FKBP5: variants seen among roughly 807,000 people sequenced by gnomAD.
The protein encoded by FKBP5 is FKBP prolyl isomerase 5, also known as peptidyl-prolyl cis-trans isomerase FKBP5.
FKBP5 carries 23 observed loss-of-function variants against 50.5 expected under a neutral mutation model. The ratio of observed to expected loss-of-function variants is 0.46; its 90% CI spans 0.33 to 0.65. The LOEUF (loss-of-function observed/expected upper bound fraction) is 0.65, where lower values mean the gene tolerates loss of function less well. Among genes scored for constraint, FKBP5 ranks in the 30% least tolerant of loss-of-function variants. FKBP5 has a pLI of 0.02. For missense variants in FKBP5, 411 were observed against 553.1 expected (o/e 0.74, Z 2.58); for synonymous variants, 176 against 190.6 (o/e 0.92, Z 0.63).
intron 1 of FKBP5, among the ~76,000 whole-genome samples, chr6:35,674,779 C>T (rs1176682093): frequency 6.6e-6 from 1 of 152,204 alleles, no homozygotes; most frequent in African/African-American, 2.4e-5. Flanking sequence ...AGACTGTCAA[C>T]TTGCTAATTA....
intron 5 of FKBP5, among the ~76,000 whole-genome samples, chr6:35,605,381 A>ATTTTT (rs1763276703): frequency 2.2e-5 from 2 of 90,430 alleles, no homozygotes; most frequent in Non-Finnish European, 4.6e-5. Context: ...CTATGACAAT[A>ATTTTT]TCTTTTTTTT....
At chr6:35,712,436 G>A (rs1766432078) in intron 2 of FKBP5, among the ~76,000 whole-genome samples, 1 of 152,146 alleles carries the variant, frequency 6.6e-6, no homozygotes, top group Admixed American at 6.5e-5. Context: ...AGGGGTGGTA[G>A]GTATCTTCCA....
chr6:35,587,033 C>T lies in FKBP5; in HGVS notation c.840+1G>A, dbSNP rs1762622203. The T allele has an allele frequency of 6.2e-7, 1 of 1,613,878 alleles. No individual in the cohort carries two copies. Among genetic ancestry groups the T allele is most frequent in the Non-Finnish European group, 8.5e-7 (1 of 1,179,896 alleles). ...AAAGGATTGCATAGGGACTCACACA[C>T]CTTGAAGTATACGGTTCCCTTCTCT... On this transcript the variant is annotated splice_donor_variant, in intron 8 of 10. Transcript: ENST00000357266. LOFTEE classifies it high-confidence loss of function.
upstream of FKBP5, among the ~76,000 whole-genome samples, chr6:35,693,339 AT>A (rs1480352977): frequency 2.0e-5 from 3 of 148,924 alleles, no homozygotes; most frequent in Non-Finnish European, 4.5e-5. Context: ...ATTTTTTTGT[AT>A]TTTTAGTAGA....
At chr6:35,624,187 A>G (rs998495516) in intron 3 of FKBP5, among the ~76,000 whole-genome samples, 5 of 152,164 alleles carry the variant, frequency 3.3e-5, no homozygotes, top group Non-Finnish European at 7.3e-5. Context: ...CTGCTTGAAC[A>G]CTTACAGCTG....
At chr6:35,700,662 T>A (rs933619695) in intron 2 of FKBP5, among the ~76,000 whole-genome samples, 3 of 152,072 alleles carry the variant, frequency 2.0e-5, no homozygotes, top group Admixed American at 6.6e-5. Flanking sequence ...TTGCCACATT[T>A]AATAAATAAA....
intron 2 of FKBP5, among the ~76,000 whole-genome samples, chr6:35,718,265 C>A (rs73729768): frequency 6.6e-6 from 1 of 152,156 alleles, no homozygotes. Context: ...AGGGTGTGCT[C>A]GCGAGAGCCA....
At chr6:35,589,124 A>T (rs1561846569) in intron 7 of FKBP5, among the ~76,000 whole-genome samples, 3 of 127,304 alleles carry the variant, frequency 2.4e-5, no homozygotes, top group African/African-American at 9.3e-5. Flanking sequence ...ATATATATAT[A>T]TATATTTTTT....
intron 5 of FKBP5, among the ~76,000 whole-genome samples, chr6:35,608,178 TAC>T (rs1189048235): frequency 4.6e-5 from 7 of 151,872 alleles, no homozygotes. Flanking sequence ...ACCCTGAGTA[TAC>T]ACAGACATAA....
At chr6:35,653,244 C>T (rs757710588) in intron 1 of FKBP5, among the ~76,000 whole-genome samples, 1 of 152,112 alleles carries the variant, frequency 6.6e-6, no homozygotes, top group Admixed American at 6.5e-5. Flanking sequence ...GCTGCAGCTA[C>T]TCAGGAAGGG....
At chr6:35,714,165 T>C (rs1177431331) in intron 2 of FKBP5, among the ~76,000 whole-genome samples, 1 of 149,308 alleles carries the variant, frequency 6.7e-6, no homozygotes. Context: ...TGAAAAATCT[T>C]AGGCGGCCAG....
intron 2 of FKBP5, among the ~76,000 whole-genome samples, chr6:35,708,142 A>G (rs1440882502): frequency 6.6e-6 from 1 of 152,224 alleles, no homozygotes; most frequent in African/African-American, 2.4e-5. Flanking sequence ...ATTCCCATAT[A>G]TGCCAAGGAA....
upstream of FKBP5, among the ~76,000 whole-genome samples, chr6:35,690,644 A>C (rs1765968676): frequency 1.3e-5 from 2 of 152,192 alleles, no homozygotes; most frequent in African/African-American, 2.4e-5. Flanking sequence ...TTAACGCAGA[A>C]AAACAAAGTT....
At chr6:35,711,735 C>T (rs1047639737) in intron 2 of FKBP5, among the ~76,000 whole-genome samples, 2 of 152,142 alleles carry the variant, frequency 1.3e-5, no homozygotes, top group Non-Finnish European at 2.9e-5. Flanking sequence ...CACAGGTAAA[C>T]ATTTGTCAAA....
chr6:35,658,236 G>A (rs1431571312), intron 1 of FKBP5, among the ~76,000 whole-genome samples: 4 of 152,022 alleles, frequency 2.6e-5, no homozygotes, highest in Non-Finnish European at 4.4e-5. Flanking sequence ...TTAACCGGGC[G>A]TGGTGGCGGG....
intron 5 of FKBP5, among the ~76,000 whole-genome samples, chr6:35,600,158 C>T (rs1763099836): frequency 1.3e-5 from 2 of 152,236 alleles, no homozygotes; most frequent in African/African-American, 4.8e-5. Flanking sequence ...CACGGGACCA[C>T]TGTCCTATGT....
intron 5 of FKBP5, among the ~76,000 whole-genome samples, chr6:35,614,173 T>C (rs546648239): frequency 9.9e-5 from 15 of 152,100 alleles, no homozygotes; most frequent in African/African-American, 3.6e-4. Context: ...GGATTACAGG[T>C]GTGAGCCACC....
At chr6:35,591,968 T>A (rs1762835441) in intron 6 of FKBP5, among the ~76,000 whole-genome samples, 1 of 152,240 alleles carries the variant, frequency 6.6e-6, no homozygotes, top group Non-Finnish European at 1.5e-5. Context: ...TTTGTTTTCT[T>A]GGGATCATGT....
At chr6:35,593,991 G>A (rs1402478816) in intron 6 of FKBP5, among the ~76,000 whole-genome samples, 2 of 152,122 alleles carry the variant, frequency 1.3e-5, no homozygotes, top group Non-Finnish European at 2.9e-5. Context: ...AATACAAAGG[G>A]AAGATATTGT....
Sources: gnomAD v4.1 joint callset for allele counts (sites outside exome capture counted in the v4.1 genomes callset) on GRCh38, gnomAD v4.1.1 for gene constraint, MANE v1.5 for transcripts, NCBI Gene and HGNC (gene_info 2026-07-23, HGNC 2026-07-21) for gene names.